LAMA3: variants seen among roughly 807,000 people sequenced by gnomAD.
The protein encoded by LAMA3 is laminin subunit alpha 3, also known as laminin subunit alpha-3.
Under a neutral mutation model 402.0 loss-of-function variants are expected in LAMA3, and 281 were observed. The observed-to-expected ratio is 0.70, with a 90% CI of 0.63 to 0.77. LAMA3 has a LOEUF of 0.77. Among genes scored for constraint, LAMA3 ranks in the 30% least tolerant of loss-of-function variants. The pLI is 0.00. For missense variants in LAMA3, 3,840 were observed against 4,215.5 expected, an observed-to-expected ratio of 0.91 and a Z score of 2.47; for synonymous variants, 1,431 against 1,558.4, an observed-to-expected ratio of 0.92 and a Z score of 1.93.
intron 5 of LAMA3, 52 bp from the exon 6 acceptor site, chr18:23,753,669 A>G (rs1012621879): frequency 6.4e-6 from 9 of 1,400,454 alleles, no homozygotes; most frequent in African/African-American, 1.4e-5. Flanking sequence ...AGTAAGAGAA[A>G]GTTTTTGTCA....
Position 23,921,497 on chromosome 18 carries a change from G to A in LAMA3, c.8089G>A (p.Val2697Met). 6.2e-7 allele frequency: 1 copy of A among 1,613,844 alleles called. No homozygotes were observed. The highest frequency in any genetic ancestry group is 1.1e-5 in the South Asian group (1 of 91,072). Reference protein sequence around the residue: ...GKLQKRMWINVDVQNTIIDGE... With the variant: ...GKLQKRMWINMDVQNTIIDGE... ...ACTCCAAAAGCGTATGTGGATAAATGTGGACGTTCAAAACACTATAATTGA... is the reference window on the plus strand; with the variant it reads ...ACTCCAAAAGCGTATGTGGATAAATATGGACGTTCAAAACACTATAATTGA... The change falls in exon 62 of 75, where the codon GTG (valine) becomes ATG (methionine). Residue 2697 changes from valine (V) to methionine (M), a missense_variant. Val to Met is a conservative substitution (Grantham distance 21). Coordinates refer to ENST00000313654, the MANE Select transcript of LAMA3 (RefSeq NM_198129.4).
intron 62 of LAMA3, among the ~76,000 whole-genome samples, chr18:23,921,852 G>A (rs980640274): frequency 6.6e-6 from 1 of 152,228 alleles, no homozygotes; most frequent in African/African-American, 2.4e-5. Context: ...GTATAGTTGG[G>A]TTAACAATGC....
At chr18:23,828,816 T>G (rs943034973) in intron 23 of LAMA3, among the ~76,000 whole-genome samples, 2 of 152,238 alleles carry the variant, frequency 1.3e-5, no homozygotes, top group African/African-American at 4.8e-5. Flanking sequence ...TCAGTTTAAT[T>G]TATACTTTTA....
At chr18:23,949,428 C>T (rs2082826454) in intron 70 of LAMA3, among the ~76,000 whole-genome samples, 2 of 152,112 alleles carry the variant, frequency 1.3e-5, no homozygotes, top group Non-Finnish European at 1.5e-5. Context: ...CTGTGAGGAC[C>T]AGGGTCAGGT....
intron 67 of LAMA3, among the ~76,000 whole-genome samples, chr18:23,935,292 G>A (rs2082279171): frequency 6.6e-6 from 1 of 152,254 alleles, no homozygotes. Context: ...GAGGAAAAGA[G>A]AATGGAGTTT....
chr18:23,793,886 G>C (rs975860711), intron 12 of LAMA3, among the ~76,000 whole-genome samples: 1 of 152,218 alleles, frequency 6.6e-6, no homozygotes, highest in Non-Finnish European at 1.5e-5. Context: ...TGACGAAGCG[G>C]CTTCAGGTTG....
At chr18:23,921,251 G>A (rs1049225643) in intron 61 of LAMA3, among the ~76,000 whole-genome samples, 197 bp downstream of exon 61, 7 of 151,950 alleles carry the variant, frequency 4.6e-5, no homozygotes, top group South Asian at 2.1e-4. Flanking sequence ...TATAAAACAC[G>A]GTTAACTTCA....
chr18:23,910,417 TA>T (rs2081389346), intron 55 of LAMA3, among the ~76,000 whole-genome samples: 2 of 152,164 alleles, frequency 1.3e-5, no homozygotes, highest in Non-Finnish European at 2.9e-5. Context: ...TGGAAAAACA[TA>T]AAATAAAAAG....
intron 2 of LAMA3, among the ~76,000 whole-genome samples, chr18:23,737,973 C>A (rs1361824813): frequency 1.3e-5 from 2 of 152,180 alleles, no homozygotes; most frequent in Non-Finnish European, 2.9e-5. Context: ...CAGTTTGGGT[C>A]ACGCTGAGCT....
At chr18:23,759,446 C>T (rs2061924553) in intron 7 of LAMA3, among the ~76,000 whole-genome samples, 1 of 152,110 alleles carries the variant, frequency 6.6e-6, no homozygotes, top group Admixed American at 6.6e-5. Flanking sequence ...CATATTTATT[C>T]CAGTTGCAGA....
intron 50 of LAMA3, 61 bp from the exon 51 acceptor site, chr18:23,904,492 G>T: frequency 6.6e-7 from 1 of 1,514,466 alleles, no homozygotes; most frequent in East Asian, 2.4e-5. Flanking sequence ...AAGGTTTGGG[G>T]GGATGTCAGC....
chr18:23,858,916 AG>A, intron 34 of LAMA3, 87 bp downstream of exon 34: 1 of 1,378,442 alleles, frequency 7.3e-7, no homozygotes, highest in Non-Finnish European at 1.0e-6. Flanking sequence ...CTTGGCCTGC[AG>A]TGTTTTAAAA....
chr18:23,827,277 G>C, intron 22 of LAMA3, 37 bp from the exon 23 acceptor site: 2 of 1,610,668 alleles, frequency 1.2e-6, no homozygotes, highest in Non-Finnish European at 1.7e-6. Flanking sequence ...GTTCTCAGTT[G>C]TAACTATTGA....
At chr18:23,945,758 A>T (rs2082687001) in intron 69 of LAMA3, among the ~76,000 whole-genome samples, 1 of 152,120 alleles carries the variant, frequency 6.6e-6, no homozygotes, top group Non-Finnish European at 1.5e-5. Context: ...CCAGGGTGCC[A>T]CGACTCCAAC....
At chr18:23,908,813 C>G (rs577213246) in intron 54 of LAMA3, among the ~76,000 whole-genome samples, 1 of 152,150 alleles carries the variant, frequency 6.6e-6, no homozygotes, top group Non-Finnish European at 1.5e-5. Flanking sequence ...GTAGGGTAGA[C>G]AGCAAGGATA....
At position 23,939,431 on chromosome 18, in the gene LAMA3, T is replaced by C. The variant is rs371838828; in HGVS notation, c.9026+45T>C. 2.8e-4 allele frequency: 446 copies of C among 1,591,944 alleles called. 1 individual carries two copies. The highest frequency in any genetic ancestry group is 3.6e-4 in the Non-Finnish European group (420 of 1,161,026). ...CCCCAGCACCAGCTCAGAACCTGAC[T>C]CTGCGATTCCACCTCAGGGAAGTCT... On this transcript the variant is annotated intron_variant, in intron 68 of 74. Transcript: ENST00000313654.
intron 8 of LAMA3, among the ~76,000 whole-genome samples, chr18:23,770,547 G>T (rs993750342): frequency 6.6e-6 from 1 of 152,046 alleles, no homozygotes; most frequent in South Asian, 2.1e-4. Context: ...GGATCACGAG[G>T]TCAGGAGATT....
intron 11 of LAMA3, among the ~76,000 whole-genome samples, chr18:23,780,351 G>A (rs2062411713): frequency 6.6e-6 from 1 of 151,634 alleles, no homozygotes; most frequent in South Asian, 2.1e-4. Context: ...AAGGAAGGGA[G>A]GGAGGGAGGG....
At chr18:23,772,665 G>A (rs972262605) in intron 8 of LAMA3, among the ~76,000 whole-genome samples, 6 of 152,310 alleles carry the variant, frequency 3.9e-5, no homozygotes, top group African/African-American at 7.2e-5. Context: ...AAACAGGAGA[G>A]GATACAGAAT....
Sources: allele counts gnomAD v4.1 joint callset (sites outside exome capture counted in the v4.1 genomes callset), GRCh38; gene constraint gnomAD v4.1.1; transcripts MANE v1.5; gene names NCBI Gene and HGNC (gene_info 2026-07-23, HGNC 2026-07-21).